The following SLC17A3 variants were observed in gnomAD, a reference collection of about 807,000 sequenced individuals.
SLC17A3 encodes sodium-dependent phosphate transport protein 4.
A neutral mutation model predicts 60.3 loss-of-function variants in SLC17A3; 61 were observed. That is an observed-to-expected ratio of 1.01 (90% CI 0.82 to 1.25). SLC17A3 has a LOEUF of 1.25. SLC17A3 is among the 50% of genes most tolerant of loss of function. SLC17A3 has a pLI of 0.00. For synonymous variants in SLC17A3, 192 were observed against 208.9 expected (o/e 0.92, Z 0.70); for missense variants, 624 against 594.9 (o/e 1.05, Z -0.51).
At chr6:25,860,501 A>T (rs190099674) in intron 5 of SLC17A3, among the ~76,000 whole-genome samples, 1 of 151,136 alleles carries the variant, frequency 6.6e-6, no homozygotes, top group Non-Finnish European at 1.5e-5. Flanking sequence ...AGCTCACTCC[A>T]CCTGCCGATG....
In SLC17A3 at chr6:25,850,507, T is replaced by G; in HGVS notation, c.945A>C (p.Val315=). 1.2e-6 allele frequency: 2 copies of G among 1,613,896 alleles called. No homozygotes were observed. Among genetic ancestry groups the G allele is most frequent in the Non-Finnish European group, 8.5e-7 (1 of 1,179,812 alleles). Residue 315 remains valine, a synonymous_variant, in exon 8 of 13, where the codon GTA becomes GTC. Transcript: ENST00000397060. ...SHQWLVSTMV[V]YIPTYISSVY... The stretch of plus-strand genomic sequence containing the variant: ...CAGAGCTGATGTAAGTTGGTATGTA[T>G]ACAACCATTGTGCTAACTAACCATT...
intron 2 of SLC17A3, among the ~76,000 whole-genome samples, chr6:25,866,962 G>A (rs928651913): frequency 2.0e-5 from 3 of 151,888 alleles, no homozygotes; most frequent in South Asian, 4.1e-4. Context: ...TTGATACATC[G>A]TAATTTTTGT....
intron 2 of SLC17A3, among the ~76,000 whole-genome samples, chr6:25,865,489 T>C (rs1292866079): frequency 1.3e-5 from 2 of 151,994 alleles, no homozygotes; most frequent in Non-Finnish European, 2.9e-5. Context: ...TGAGTTCTTG[T>C]GGCCTCTGAT....
rs765547232 is a variant in SLC17A3, at chr6:25,861,951, C to A, written c.382G>T (p.Ala128Ser). 7.1e-5 allele frequency: 115 copies of A among 1,612,540 alleles called. No individual in the cohort carries two copies. Among genetic ancestry groups the A allele is most frequent in the Non-Finnish European group, 9.3e-5 (110 of 1,179,312 alleles). ...AVGYGGILTMAPSGYLAGRVG... is the reference protein window; with the variant it reads ...AVGYGGILTMSPSGYLAGRVG... ...CTTCCAGCCAGGTATCCACTGGGAG[C>A]CATTGTCAGTATGCCACCATAGCCA... is the stretch of plus-strand genomic sequence containing the variant. The change falls in exon 4 of 13, where the codon GCT becomes TCT. Residue 128 changes from alanine (A) to serine (S), a missense_variant. Ala to Ser is a moderately conservative substitution (Grantham distance 99, BLOSUM62 1). Transcript: ENST00000397060.
At chr6:25,848,358 C>T (rs536754026) in intron 11 of SLC17A3, among the ~76,000 whole-genome samples, 4 of 152,266 alleles carry the variant, frequency 2.6e-5, no homozygotes, top group Admixed American at 2.6e-4. Context: ...GTTTACATTC[C>T]TACCAATAGT....
rs985494834 is a variant in SLC17A3, at chr6:25,862,286, G to A, written c.250C>T (p.Pro84Ser). 5.6e-6 allele frequency: 9 copies of A among 1,613,758 alleles called. No homozygotes were observed. The highest frequency in any genetic ancestry group is 7.6e-6 in the Non-Finnish European group (9 of 1,179,848). The change falls in exon 3 of 13, where the codon CCT (proline) becomes TCT (serine). Residue 84 changes from proline to serine, a missense_variant. Transcript: ENST00000397060. ...SQLNDSSEVL[P>S]VDSFGGLSKA... The stretch of plus-strand genomic sequence containing the variant: ...CTTAGGCCACCAAATGAGTCAACAG[G>A]CAGCACCTCAGAGGAATCATTGAGC...
At chr6:25,862,514 A>AT (rs1765469224) in intron 2 of SLC17A3, 70 bp from the exon 3 acceptor site, 6 of 1,227,468 alleles carry the variant, frequency 4.9e-6, no homozygotes, top group Non-Finnish European at 7.2e-6. Context: ...ACAAGATATG[A>AT]TTTAAAAAGT....
Position 25,845,046 on chromosome 6 carries a change from C to T in SLC17A3, c.*255G>A. ...GTAATGGAATCTAACATACTGGGTCCCACACAGCAAGCCCTCTTAATCCAT... is the reference window on the plus strand; with the variant it reads ...GTAATGGAATCTAACATACTGGGTCTCACACAGCAAGCCCTCTTAATCCAT... On this transcript the variant is annotated 3_prime_UTR_variant, in exon 13 of 13. Coordinates refer to ENST00000397060, the MANE Select transcript of SLC17A3 (RefSeq NM_001098486.2). The T allele has an allele frequency of 3.6e-6, 1 of 277,990 alleles. No individual in the cohort carries two copies. The highest frequency in any genetic ancestry group is 7.0e-6 in the Non-Finnish European group (1 of 143,406). 17.2% of individuals were successfully genotyped at this position (277,990 alleles called of 1,614,324 possible).
Position 25,862,005 on chromosome 6 carries a change from G to T in SLC17A3, c.328C>A (p.Gln110Lys). ...AKAPVYDWSPQIQGIIFGAVG... is the reference protein window; with the variant it reads ...AKAPVYDWSPKIQGIIFGAVG... ...GCACCAAAGATGATGCCTTGGATTT[G>T]AGGAGACCAGTCATACACAGGAGCC... Residue 110 changes from glutamine to lysine, a missense_variant, in exon 4 of 13, where the codon CAA (glutamine) becomes AAA (lysine). Transcript: ENST00000397060. The T allele has an allele frequency of 6.2e-7, 1 of 1,608,294 alleles. No homozygotes were observed. The highest frequency in any genetic ancestry group is 1.1e-5 in the South Asian group (1 of 89,690).
intron 3 of SLC17A3, 25 bp downstream of exon 3, chr6:25,862,208 C>G: frequency 6.3e-7 from 1 of 1,592,620 alleles, no homozygotes; most frequent in Non-Finnish European, 8.6e-7. Context: ...AAGAAAAGCA[C>G]AAATTTATAT....
At position 25,849,359 on chromosome 6, in the gene SLC17A3, AC is replaced by A. The variant is rs758594742; in HGVS notation, c.1362+14del. 6.7e-7 allele frequency: 1 copy of A among 1,494,740 alleles called. No homozygotes were observed. Among genetic ancestry groups the A allele is most frequent in the South Asian group, 1.1e-5 (1 of 88,454 alleles). The allele number at this position is 1,494,740 out of a possible 1,614,324, so 92.6% of individuals were successfully genotyped here. ...CAGAGCATCTTTGGAGTCCTTCATG[AC>A]AAAAAAATTGTACCTGACTAAGAAG... is the stretch of plus-strand genomic sequence containing the variant. On this transcript the variant is annotated intron_variant, in intron 11 of 12. Coordinates refer to ENST00000397060, the MANE Select transcript of SLC17A3 (RefSeq NM_001098486.2).
intron 6 of SLC17A3, among the ~76,000 whole-genome samples, 191 bp from the exon 7 acceptor site, chr6:25,851,068 A>G (rs1358352817): frequency 2.0e-5 from 3 of 152,200 alleles, no homozygotes; most frequent in Non-Finnish European, 4.4e-5. Flanking sequence ...TACAGAGCCT[A>G]GAAGTGGCAC....
intron 1 of SLC17A3, 99 bp from the exon 2 acceptor site, chr6:25,868,519 A>G: frequency 1.3e-6 from 1 of 772,928 alleles, no homozygotes; most frequent in South Asian, 1.5e-5. Context: ...AAGCTGGCCC[A>G]TTCCATCTGG....
chr6:25,857,789 G>A (rs945290965), intron 5 of SLC17A3, among the ~76,000 whole-genome samples: 2 of 152,070 alleles, frequency 1.3e-5, no homozygotes, highest in Non-Finnish European at 2.9e-5. Flanking sequence ...CACCAAATTT[G>A]CATCTTTTCC....
chr6:25,858,999 G>A (rs893378584), intron 5 of SLC17A3, among the ~76,000 whole-genome samples: 1 of 152,112 alleles, frequency 6.6e-6, no homozygotes, highest in Non-Finnish European at 1.5e-5. Context: ...ACACTGTAAT[G>A]TGTTTGCTGT....
chr6:25,862,546 AATC>A (rs2151525115), intron 2 of SLC17A3, 102 bp from the exon 3 acceptor site: 2 of 941,902 alleles, frequency 2.1e-6, no homozygotes. Flanking sequence ...TAACGATTTA[AATC>A]ATTACTTAAA....
Position 25,867,998 on chromosome 6 carries a change from T to C in SLC17A3, c.91+299A>G, listed in dbSNP as rs1184804. Among the ~76,000 whole-genome samples, 96,933 of 151,608 alleles carry C rather than the reference T, an allele frequency of 0.64. 32,860 individuals are homozygous for C. Among genetic ancestry groups the C allele is most frequent in the African/African-American group, 0.87 (35,936 of 41,438 alleles). On this transcript the variant is annotated intron_variant, in intron 2 of 12. Transcript: ENST00000397060. The stretch of plus-strand genomic sequence containing the variant: ...TTTTTTAAATTAAGCAATACAGTTA[T>C]GTTTAAAATATTACATGCAATCACA...
intron 5 of SLC17A3, 28 bp from the exon 6 acceptor site, chr6:25,855,258 G>C: frequency 6.6e-7 from 1 of 1,517,022 alleles, no homozygotes; most frequent in Admixed American, 1.7e-5. Context: ...GTAAGCTGTG[G>C]GACTCTAGAC....
chr6:25,848,543 C>A (rs1259837217), intron 11 of SLC17A3, among the ~76,000 whole-genome samples: 1 of 152,020 alleles, frequency 6.6e-6, no homozygotes, highest in Non-Finnish European at 1.5e-5. Flanking sequence ...AATTGGAAAG[C>A]CACATGTAGG....
Sources: allele counts gnomAD v4.1 joint callset (sites outside exome capture counted in the v4.1 genomes callset), GRCh38; gene constraint gnomAD v4.1.1; transcripts MANE v1.5; gene names NCBI Gene and HGNC (gene_info 2026-07-23, HGNC 2026-07-21).